The following SLC41A2 variants were observed in gnomAD, a reference collection of about 807,000 sequenced individuals.
SLC41A2 encodes SLC41A1-like 1.
A neutral mutation model predicts 58.3 loss-of-function variants in SLC41A2; 32 were observed. The ratio of observed to expected loss-of-function variants is 0.55; its 90% CI spans 0.41 to 0.74. The LOEUF (loss-of-function observed/expected upper bound fraction) is 0.74. Ranked by LOEUF, SLC41A2 falls within the 30% of genes least tolerant of loss-of-function variation. The probability of loss-of-function intolerance (pLI) is 0.00; values close to 1 mark genes in which losing one functional copy is unlikely to be tolerated. For synonymous variants in SLC41A2, 190 were observed against 235.0 expected, an observed-to-expected ratio of 0.81 and a Z score of 1.75; for missense variants, 514 against 680.6, an observed-to-expected ratio of 0.76 and a Z score of 2.72.
chr12:104,843,949 T>C (rs1565833952), intron 10 of SLC41A2, among the ~76,000 whole-genome samples: 1 of 152,146 alleles, frequency 6.6e-6, no homozygotes. Flanking sequence ...TAATAATGTC[T>C]ACATACCTAC....
intron 10 of SLC41A2, chr12:104,834,128 A>T: frequency 1.0e-6 from 1 of 984,062 alleles, no homozygotes; most frequent in Non-Finnish European, 1.2e-6. Context: ...CCAATAAAGC[A>T]GACAGTCATT....
intron 10 of SLC41A2, among the ~76,000 whole-genome samples, chr12:104,837,358 T>C (rs1284473039): frequency 6.6e-6 from 1 of 152,166 alleles, no homozygotes; most frequent in Admixed American, 6.5e-5. Flanking sequence ...GGTCAAAGGC[T>C]GAGGGATTCA....
At chr12:104,948,337 A>G (rs1012326834) in intron 1 of SLC41A2, among the ~76,000 whole-genome samples, 1 of 152,198 alleles carries the variant, frequency 6.6e-6, no homozygotes, top group Non-Finnish European at 1.5e-5. Context: ...CCACTCTCAG[A>G]CTTAAAAAGC....
rs2046932205 is a variant in SLC41A2, at chr12:104,928,399, C to T, written c.129G>A (p.Leu43=). The change falls in exon 2 of 11, where the codon TTG becomes TTA. Residue 43 remains leucine, a synonymous_variant. Coordinates refer to ENST00000258538, the MANE Select transcript of SLC41A2 (RefSeq NM_001352171.3). The stretch of plus-strand genomic sequence containing the variant: ...TCTGGTAAATCACTGGAACCATACT[C>T]AAGAGTAAATTTAAAAACTTGTCGG... The part of the protein sequence containing the change: ...IQSDKFLNLL[L]SMVPVIYQKN... 6.4e-7 allele frequency: 1 copy of T among 1,567,312 alleles called. No individual in the cohort carries two copies. Among genetic ancestry groups the T allele is most frequent in the Non-Finnish European group, 8.7e-7 (1 of 1,154,336 alleles).
At chr12:104,811,360 AAATCAACATG>A (rs1261236205) in intron 10 of SLC41A2, among the ~76,000 whole-genome samples, 37 of 152,380 alleles carry the variant, frequency 2.4e-4, no homozygotes, top group East Asian at 1.9e-4. Context: ...TGAACTATAT[AAATCAACATG>A]AATATATCTC....
chr12:104,932,382 T>C (rs926090346), intron 1 of SLC41A2, among the ~76,000 whole-genome samples: 2 of 151,982 alleles, frequency 1.3e-5, no homozygotes, highest in African/African-American at 4.8e-5. Flanking sequence ...TCACAGCATT[T>C]TGGGAGGCCG....
chr12:104,929,531 C>G (rs1345907093), intron 1 of SLC41A2, among the ~76,000 whole-genome samples: 1 of 152,210 alleles, frequency 6.6e-6, no homozygotes, highest in African/African-American at 2.4e-5. Context: ...TGACTAGAGT[C>G]TCTTTGAAGA....
chr12:104,806,993 A>C (rs1203122147), intron 10 of SLC41A2, among the ~76,000 whole-genome samples: 1 of 152,084 alleles, frequency 6.6e-6, no homozygotes, highest in Non-Finnish European at 1.5e-5. Context: ...AGATTGCAAA[A>C]ATTTTCTCCC....
At chr12:104,853,174 T>A (rs2042863213) in intron 8 of SLC41A2, among the ~76,000 whole-genome samples, 1 of 152,190 alleles carries the variant, frequency 6.6e-6, no homozygotes, top group African/African-American at 2.4e-5. Flanking sequence ...AAATCCAAAT[T>A]TATGTTTTGT....
intron 8 of SLC41A2, among the ~76,000 whole-genome samples, chr12:104,850,992 C>T: frequency 6.6e-6 from 1 of 152,136 alleles, no homozygotes; most frequent in Non-Finnish European, 1.5e-5. Flanking sequence ...CTGAAAACCA[C>T]CTCAGTCACT....
Position 104,844,432 on chromosome 12 carries a change from T to A in SLC41A2, c.1536+40A>T, listed in dbSNP as rs368997296. 9 of 1,307,032 alleles carry A rather than the reference T, an allele frequency of 6.9e-6. No homozygotes were observed. In the African/African-American group the frequency reaches 1.2e-4, roughly 18 times the overall value. 81.0% of individuals were successfully genotyped at this position (1,307,032 alleles called of 1,614,324 possible). On this transcript the variant is annotated intron_variant, in intron 10 of 10. Transcript: ENST00000258538. ...TTCCACAGTTGTACTTTTACAGCAG[T>A]CTCAGCATAAAAGAGATTTCAAGAA...
chr12:104,878,299 TTATA>T lies in SLC41A2; in HGVS notation c.1027+7990_1027+7993del, dbSNP rs55670022. ...AATCTGCAAATAATATACCTGTATT[TTATA>T]TATATATATATATATATATATATAC... On this transcript the variant is annotated intron_variant, in intron 6 of 10. Coordinates refer to ENST00000258538, the MANE Select transcript of SLC41A2 (RefSeq NM_001352171.3). 6.8e-3 allele frequency among the ~76,000 whole-genome samples: 957 copies of T among 139,924 alleles called. 15 individuals are homozygous for T. Among genetic ancestry groups the T allele is most frequent in the African/African-American group, 0.018 (698 of 38,532 alleles). The allele number at this position is 139,924 out of a possible 152,430, so 91.8% of individuals were successfully genotyped here.
At chr12:104,910,323 G>C (rs574091675) in intron 2 of SLC41A2, among the ~76,000 whole-genome samples, 31 of 152,250 alleles carry the variant, frequency 2.0e-4, no homozygotes, top group African/African-American at 7.5e-4. Context: ...GAGGCAGAGA[G>C]GTTCATAAAA....
At chr12:104,949,764 G>GT (rs2047884117) in intron 1 of SLC41A2, among the ~76,000 whole-genome samples, 1 of 152,070 alleles carries the variant, frequency 6.6e-6, no homozygotes, top group Non-Finnish European at 1.5e-5. Context: ...TGTATTTTTA[G>GT]TAAGGACGAG....
At chr12:104,939,599 C>T (rs547066559) in intron 1 of SLC41A2, among the ~76,000 whole-genome samples, 1 of 152,308 alleles carries the variant, frequency 6.6e-6, no homozygotes, top group Admixed American at 6.5e-5. Context: ...GCCTATCGTA[C>T]TGAAAGAGGC....
At chr12:104,828,794 A>G (rs1327336579) in intron 10 of SLC41A2, among the ~76,000 whole-genome samples, 1 of 152,236 alleles carries the variant, frequency 6.6e-6, no homozygotes, top group Non-Finnish European at 1.5e-5. Context: ...ACAAAAAAGT[A>G]GTATCCATAA....
intron 1 of SLC41A2, among the ~76,000 whole-genome samples, chr12:104,932,946 G>GA (rs749777809): frequency 1.3e-5 from 2 of 151,894 alleles, no homozygotes; most frequent in East Asian, 1.9e-4. Flanking sequence ...GAAAACCTAG[G>GA]AAAAAAACTC....
chr12:104,889,005 T>C, intron 5 of SLC41A2, 28 bp downstream of exon 5: 2 of 1,539,746 alleles, frequency 1.3e-6, no homozygotes, highest in South Asian at 1.3e-5. Context: ...TAAAAGGCTA[T>C]AGAGTAGACA....
At chr12:104,896,870 G>C (rs1002021535) in intron 3 of SLC41A2, among the ~76,000 whole-genome samples, 1 of 152,198 alleles carries the variant, frequency 6.6e-6, no homozygotes, top group African/African-American at 2.4e-5. Flanking sequence ...ACTTGCATAA[G>C]ATTTGGAAGT....
Sources: allele counts gnomAD v4.1 joint callset (sites outside exome capture counted in the v4.1 genomes callset), GRCh38; gene constraint gnomAD v4.1.1; transcripts MANE v1.5; gene names NCBI Gene and HGNC (gene_info 2026-07-23, HGNC 2026-07-21).